Variants in DNAH5 observed in about 807,000 individuals in gnomAD.
DNAH5 encodes dynein axonemal heavy chain 5.
A neutral mutation model predicts 518.2 loss-of-function variants in DNAH5; 372 were observed. The observed-to-expected ratio is 0.72, with a 90% CI of 0.66 to 0.78. The LOEUF (loss-of-function observed/expected upper bound fraction) is 0.78, where lower values mean the gene tolerates loss of function less well. Ranked by LOEUF, DNAH5 falls within the 30% of genes least tolerant of loss-of-function variation. The probability of loss-of-function intolerance (pLI) is 0.00; values close to 1 mark genes in which losing one functional copy is unlikely to be tolerated. For synonymous variants in DNAH5, 2,039 were observed against 2,025.9 expected, an observed-to-expected ratio of 1.01 and a Z score of -0.17; for missense variants, 5,523 against 5,687.0, an observed-to-expected ratio of 0.97 and a Z score of 0.93.
chr5:13,798,065 G>C (rs963311442), intron 47 of DNAH5, among the ~76,000 whole-genome samples: 1 of 147,032 alleles, frequency 6.8e-6, no homozygotes, highest in South Asian at 2.2e-4. Flanking sequence ...GGGGTGGGGG[G>C]CTGGGGGAGG....
Position 13,817,562 on chromosome 5 carries a change from A to G in DNAH5, c.6974T>C (p.Leu2325Ser). The G allele has an allele frequency of 6.2e-7, 1 of 1,614,088 alleles. No homozygotes were observed. The highest frequency in any genetic ancestry group is 8.5e-7 in the Non-Finnish European group (1 of 1,179,994). ...TTATCTTCTACCTTTCTTTGCTCTT[A>G]ATGTTTTCCTCCAAAGCGTAGAAAA... ...GIFSTLWRKT[L>S]RAKKGEHIWI... The change falls in exon 42 of 79, where the codon TTA (leucine) becomes TCA (serine). Residue 2325 changes from leucine (L) to serine (S), a missense_variant. By Grantham distance (145) the Leu-to-Ser change is moderately radical. Coordinates refer to ENST00000265104, the MANE Select transcript of DNAH5 (RefSeq NM_001369.3).
At chr5:13,748,395 G>GT (rs1219269315) in intron 65 of DNAH5, among the ~76,000 whole-genome samples, 1 of 152,132 alleles carries the variant, frequency 6.6e-6, no homozygotes, top group African/African-American at 2.4e-5. Flanking sequence ...CTTTAAAGTA[G>GT]TTTTTTCCAA....
chr5:13,917,602 A>G (rs965360656), intron 7 of DNAH5, among the ~76,000 whole-genome samples: 6 of 152,194 alleles, frequency 3.9e-5, no homozygotes, highest in African/African-American at 1.4e-4. Flanking sequence ...TCTTTCCTCT[A>G]TTCTAACCTG....
Position 13,926,306 on chromosome 5 carries a change from C to A in DNAH5, c.277+1788G>T, listed in dbSNP as rs139465318. ...TCGGGAGAAACCACCACCGTGCCCA[C>A]AAGAGCAAGGTAAGAGTGCAAGGTC... On this transcript the variant is annotated intron_variant, in intron 3 of 78. Coordinates refer to ENST00000265104, the MANE Select transcript of DNAH5 (RefSeq NM_001369.3). Among the ~76,000 whole-genome samples, 361 of 152,322 alleles carry A rather than the reference C, an allele frequency of 2.4e-3. 3 individuals carry two copies. The highest frequency in any genetic ancestry group is 8.2e-3 in the African/African-American group (343 of 41,576).
intron 15 of DNAH5, among the ~76,000 whole-genome samples, chr5:13,895,800 A>G (rs1258098923): frequency 6.6e-6 from 1 of 152,138 alleles, no homozygotes; most frequent in Admixed American, 6.5e-5. Flanking sequence ...TTCAAACTTA[A>G]TAAGTCCCAA....
chr5:13,975,760 T>G (rs1036823620), intron 1 of DNAH5, among the ~76,000 whole-genome samples: 1 of 152,198 alleles, frequency 6.6e-6, no homozygotes, highest in African/African-American at 2.4e-5. Flanking sequence ...TTTTGTATCA[T>G]AATAACCTGT....
chr5:13,766,301 C>A, intron 58 of DNAH5, 122 bp from the exon 59 acceptor site: 1 of 1,003,802 alleles, frequency 1.0e-6, no homozygotes. Context: ...TAGATGCAGG[C>A]CACAGGGTCT....
intron 52 of DNAH5, among the ~76,000 whole-genome samples, 188 bp downstream of exon 52, chr5:13,785,991 C>G (rs1755926997): frequency 6.6e-6 from 1 of 152,164 alleles, no homozygotes; most frequent in Admixed American, 6.5e-5. Context: ...AGTACACAGG[C>G]TCTTATTTCA....
At position 13,740,617 on chromosome 5, in the gene DNAH5, T is replaced by C. The variant is rs58216752; in HGVS notation, c.11212-3122A>G. On this transcript the variant is annotated intron_variant, in intron 65 of 78. Transcript: ENST00000265104. Reference sequence around the variant, plus strand: ...AATTTGCACTTCTAATCCCATGTGATGTGATGCTGCTATTCCAGGAAACAT... The same window carrying C: ...AATTTGCACTTCTAATCCCATGTGACGTGATGCTGCTATTCCAGGAAACAT... Among the ~76,000 whole-genome samples, 1,226 of 152,356 alleles carry C rather than the reference T, an allele frequency of 8.0e-3. 22 individuals carry two copies. The highest frequency in any genetic ancestry group is 0.028 in the African/African-American group (1,165 of 41,596).
intron 33 of DNAH5, 58 bp downstream of exon 33, chr5:13,841,634 G>T (rs1381199917): frequency 2.2e-6 from 3 of 1,360,366 alleles, no homozygotes; most frequent in South Asian, 1.2e-5. Flanking sequence ...AATAGGTAAT[G>T]TCTGAGACTT....
rs568300346 is a variant in DNAH5, at chr5:13,950,609, G to A, written c.13-19365C>T. ...TGTATATAAAGCTGTAGTGCTTTCT[G>A]AAATTTTTCTCCCAAACCTACACAC... On this transcript the variant is annotated intron_variant, in intron 1 of 78. Coordinates refer to the DNAH5 transcript ENST00000681290. Among the ~76,000 whole-genome samples the A allele has an allele frequency of 1.8e-4, 27 of 152,300 alleles. 1 individual carries two copies. The highest frequency in any genetic ancestry group is 6.8e-3 in the Middle Eastern group (2 of 294).
At chr5:13,775,765 C>T (rs775432533) in intron 55 of DNAH5, among the ~76,000 whole-genome samples, 2 of 152,080 alleles carry the variant, frequency 1.3e-5, no homozygotes, top group Non-Finnish European at 2.9e-5. Flanking sequence ...CCTCCGGCAA[C>T]CCCCATCTAC....
At chr5:13,980,451 C>A (rs1199844549) in intron 1 of DNAH5, among the ~76,000 whole-genome samples, 1 of 152,182 alleles carries the variant, frequency 6.6e-6, no homozygotes, top group Non-Finnish European at 1.5e-5. Flanking sequence ...TGTGCCATTT[C>A]CGTCCCAAAC....
chr5:13,975,625 A>G (rs1242790443), intron 1 of DNAH5, among the ~76,000 whole-genome samples: 2 of 152,342 alleles, frequency 1.3e-5, no homozygotes, highest in East Asian at 3.9e-4. Context: ...GTATGGCTGT[A>G]CCAGTACATA....
intron 47 of DNAH5, among the ~76,000 whole-genome samples, chr5:13,801,894 C>G (rs1758813470): frequency 6.6e-6 from 1 of 152,072 alleles, no homozygotes; most frequent in Non-Finnish European, 1.5e-5. Context: ...ACCTTATAGG[C>G]TGGCTTACAG....
At chr5:13,784,001 G>A (rs1241351033) in intron 52 of DNAH5, among the ~76,000 whole-genome samples, 1 of 152,140 alleles carries the variant, frequency 6.6e-6, no homozygotes, top group Non-Finnish European at 1.5e-5. Flanking sequence ...AAACACCAGC[G>A]AGGCCCCAGC....
chr5:13,903,050 C>A (rs1048771554), intron 12 of DNAH5, among the ~76,000 whole-genome samples: 4 of 152,032 alleles, frequency 2.6e-5, no homozygotes, highest in African/African-American at 9.7e-5. Context: ...AATGATAGAG[C>A]AGTCTAAAGG....
intron 1 of DNAH5, among the ~76,000 whole-genome samples, chr5:14,010,595 A>T (rs1785048229): frequency 6.6e-6 from 1 of 152,206 alleles, no homozygotes; most frequent in Non-Finnish European, 1.5e-5. Context: ...TGAAATACTA[A>T]AAAGAGCTAA....
At position 13,725,769 on chromosome 5, in the gene DNAH5, C is replaced by T. The variant is rs374708180; in HGVS notation, c.12033+1738G>A. Among the ~76,000 whole-genome samples, 115 of 152,314 alleles carry T rather than the reference C, an allele frequency of 7.6e-4. No homozygotes were observed. The South Asian group carries it at 8.1e-3, about 11-fold the overall frequency. On this transcript the variant is annotated intron_variant, in intron 70 of 78. Coordinates refer to ENST00000265104, the MANE Select transcript of DNAH5 (RefSeq NM_001369.3). ...TTCCAAGTTCAAGCGATTCTCCTGC[C>T]TCAGCCTCCCAAGTAGCTGGCATTA...
Sources: gnomAD v4.1 joint callset for allele counts (sites outside exome capture counted in the v4.1 genomes callset) on GRCh38, gnomAD v4.1.1 for gene constraint, MANE v1.5 for transcripts, NCBI Gene and HGNC (gene_info 2026-07-23, HGNC 2026-07-21) for gene names.